Variants in C22orf39 observed in about 807,000 individuals in gnomAD.
C22orf39 encodes the protein chromosome 22 open reading frame 39.
Under a neutral mutation model 18.3 loss-of-function variants are expected in C22orf39, and 20 were observed. The ratio of observed to expected loss-of-function variants is 1.09; its 90% CI spans 0.77 to 1.59. The LOEUF is 1.59. Among genes scored for constraint, C22orf39 ranks in the 40% most tolerant of loss-of-function variants. The pLI is 0.00. For synonymous variants in C22orf39, 63 were observed against 59.6 expected, an observed-to-expected ratio of 1.06 and a Z score of -0.26; for missense variants, 195 against 156.1, an observed-to-expected ratio of 1.25 and a Z score of -1.33.
At position 19,441,696 on chromosome 22, in the gene C22orf39, T is replaced by G; in HGVS notation, c.*2569A>C. ...GGTGTGAGCCACCACACTTAGCACCTGTCCAAAAAGTTTGAAAGATATTGC... is the reference window on the plus strand; with the variant it reads ...GGTGTGAGCCACCACACTTAGCACCGGTCCAAAAAGTTTGAAAGATATTGC... On this transcript the variant is annotated 3_prime_UTR_variant, in exon 3 of 3. Coordinates refer to ENST00000399562, the MANE Select transcript of C22orf39 (RefSeq NM_173793.5). 6.5e-7 allele frequency: 1 copy of G among 1,549,110 alleles called. No homozygotes were observed. The highest frequency in any genetic ancestry group is 8.7e-7 in the Non-Finnish European group (1 of 1,145,520).
At position 19,447,671 on chromosome 22, in the gene C22orf39, G is replaced by A. The variant is rs367954813; in HGVS notation, c.18C>T (p.Gly6=). The A allele has an allele frequency of 2.0e-5, 32 of 1,610,946 alleles. No individual in the cohort carries two copies. The highest frequency in any genetic ancestry group is 3.3e-5 in the Admixed American group (2 of 59,902). The change falls in exon 1 of 3, where the codon GGC becomes GGT. Residue 6 remains glycine, a synonymous_variant. Coordinates refer to ENST00000399562, the MANE Select transcript of C22orf39 (RefSeq NM_173793.5). ...TCCGACCCAGCACACTCACCTGCCA[G>A]CCGCTGCCGTCCGCCATGTCTGGGC... MADGS[G]WQPPRPCEAY... is the part of the protein sequence containing the mutation.
intron 2 of C22orf39, among the ~76,000 whole-genome samples, chr22:19,445,585 A>G (rs1292149741): frequency 6.6e-6 from 1 of 152,156 alleles, no homozygotes; most frequent in Non-Finnish European, 1.5e-5. Flanking sequence ...AACACTGCAC[A>G]ACTACCCAGA....
chr22:19,443,213 C>T lies in C22orf39; in HGVS notation c.*1052G>A, dbSNP rs2089622908. ...TGATAGATTATTCTGCCCCAAAGAA[C>T]AAATTAAAAGATATTCAACTTGCTG... On this transcript the variant is annotated 3_prime_UTR_variant, in exon 3 of 3. Transcript: ENST00000399562. The T allele has an allele frequency of 1.0e-6, 1 of 984,910 alleles. No homozygotes were observed. The highest frequency in any genetic ancestry group is 4.7e-5 in the South Asian group (1 of 21,284). 61.0% of individuals were successfully genotyped at this position (984,910 alleles called of 1,614,324 possible). A position where few individuals can be genotyped will look rare whatever the true frequency, so the allele number is the denominator to read the frequency against.
At position 19,443,064 on chromosome 22, in the gene C22orf39, G is replaced by T; in HGVS notation, c.*1201C>A. On this transcript the variant is annotated 3_prime_UTR_variant, in exon 3 of 3. Transcript: ENST00000399562. ...CCTCTTTAGATGCTCCTGCTCTTGG[G>T]ATCCCGTGAGCACAACCCCCACCCC... 1 of 904,818 alleles carries T rather than the reference G, an allele frequency of 1.1e-6. No individual in the cohort carries two copies. The highest frequency in any genetic ancestry group is 1.3e-6 in the Non-Finnish European group (1 of 756,778). 56.0% of individuals were successfully genotyped at this position (904,818 alleles called of 1,614,324 possible). A position where few individuals can be genotyped will look rare whatever the true frequency, so the allele number is the denominator to read the frequency against.
In C22orf39 at chr22:19,441,591, C is replaced by T. The variant is rs568626525; in HGVS notation, c.*2674G>A. The T allele has an allele frequency of 2.8e-5, 23 of 817,966 alleles. No individual in the cohort carries two copies. The highest frequency in any genetic ancestry group is 1.9e-4 in the African/African-American group (11 of 59,100). The allele number at this position is 817,966 out of a possible 1,614,324, so 50.7% of individuals were successfully genotyped here. ...TTGCCCAGGCTGGAGTGCAGTGGCACGATCATAGCTGACTGCAACCTCAAA... is the reference window on the plus strand; with the variant it reads ...TTGCCCAGGCTGGAGTGCAGTGGCATGATCATAGCTGACTGCAACCTCAAA... On this transcript the variant is annotated 3_prime_UTR_variant, in exon 3 of 3. Coordinates refer to ENST00000399562, the MANE Select transcript of C22orf39 (RefSeq NM_173793.5).
Position 19,443,946 on chromosome 22 carries a change from C to G in C22orf39, c.*319G>C, listed in dbSNP as rs1278118268. ...GCTACCCTTCAGTTTACCTGAGAAG[C>G]CTAGACCTCAGGACCGCCATCTCCT... is the stretch of plus-strand genomic sequence containing the variant. On this transcript the variant is annotated 3_prime_UTR_variant, in exon 3 of 3. Coordinates refer to ENST00000399562, the MANE Select transcript of C22orf39 (RefSeq NM_173793.5). 9.2e-7 allele frequency: 1 copy of G among 1,086,330 alleles called. No individual in the cohort carries two copies. The highest frequency in any genetic ancestry group is 1.1e-6 in the Non-Finnish European group (1 of 895,188). The allele number at this position is 1,086,330 out of a possible 1,614,324, so 67.3% of individuals were successfully genotyped here. A position where few individuals can be genotyped will look rare whatever the true frequency, so the allele number is the denominator to read the frequency against.
intron 2 of C22orf39, among the ~76,000 whole-genome samples, chr22:19,445,802 G>T (rs1436142485): frequency 1.3e-5 from 2 of 152,062 alleles, no homozygotes; most frequent in African/African-American, 4.8e-5. Context: ...AGCCTCCCGA[G>T]TAGCTGAGAT....
In C22orf39 at chr22:19,444,325, G is replaced by A; in HGVS notation, c.258C>T (p.Ala86=). 6.2e-7 allele frequency: 1 copy of A among 1,600,792 alleles called. No individual in the cohort carries two copies. The highest frequency in any genetic ancestry group is 8.5e-7 in the Non-Finnish European group (1 of 1,175,264). ...AGTCTGGAGGGGGGCTCTGCCTCGGGGCCCACACCAGGATGTGCTTCCGTG... is the reference window on the plus strand; with the variant it reads ...AGTCTGGAGGGGGGCTCTGCCTCGGAGCCCACACCAGGATGTGCTTCCGTG... ...RAARKHILVW[A]PRQSPPPDWH... Residue 86 remains alanine, a synonymous_variant, in exon 3 of 3, where the codon GCC becomes GCT. Coordinates refer to ENST00000399562, the MANE Select transcript of C22orf39 (RefSeq NM_173793.5).
rs149705263 is a variant in C22orf39 at position 19,444,282 on chromosome 22, G to C, written c.301C>G (p.Gln101Glu). Residue 101 changes from glutamine (Q) to glutamate (E), a missense_variant, in exon 3 of 3, where the codon CAG becomes GAG. Gln to Glu is a conservative substitution (Grantham distance 29, BLOSUM62 2). Coordinates refer to ENST00000399562, the MANE Select transcript of C22orf39 (RefSeq NM_173793.5). ...GATGCTTGTCACTCGTCCTTCTCCT[G>C]TGGCAGAGGGAGATGCCAGTCTGGA... The part of the protein sequence containing the change: ...PPPDWHLPLP[Q>E]EKDE The C allele has an allele frequency of 4.1e-5, 65 of 1,589,020 alleles. 1 individual carries two copies. The African/African-American group carries it at 7.1e-4, about 17-fold the overall frequency.
At chr22:19,447,635 T>G (rs780568801) in intron 1 of C22orf39, 30 bp downstream of exon 1, 2 of 1,606,212 alleles carry the variant, frequency 1.2e-6, no homozygotes, top group South Asian at 2.2e-5. Context: ...AAGACCCCGG[T>G]GGTTCCCGGC....
At position 19,444,311 on chromosome 22, in the gene C22orf39, G is replaced by T; in HGVS notation, c.272C>A (p.Pro91His). 1 of 1,601,342 alleles carries T rather than the reference G, an allele frequency of 6.2e-7. No individual in the cohort carries two copies. Among genetic ancestry groups the T allele is most frequent in the Non-Finnish European group, 8.5e-7 (1 of 1,175,470 alleles). The change falls in exon 3 of 3, where the codon CCC becomes CAC. Residue 91 changes from proline to histidine, a missense_variant. Physicochemically the swap from Pro to His is moderately conservative, Grantham distance 77 (BLOSUM62 -2). Transcript: ENST00000399562. The part of the protein sequence containing the change: ...HILVWAPRQS[P>H]PPDWHLPLPQ... ...CAGAGGGAGATGCCAGTCTGGAGGGGGGCTCTGCCTCGGGGCCCACACCAG... is the reference window on the plus strand; with the variant it reads ...CAGAGGGAGATGCCAGTCTGGAGGGTGGCTCTGCCTCGGGGCCCACACCAG...
In C22orf39 at chr22:19,440,988, A is replaced by G. The variant is rs11744; in HGVS notation, c.*3277T>C. 0.24 allele frequency: 36,796 copies of G among 152,134 alleles called. 4,650 individuals carry two copies. Among genetic ancestry groups the G allele is most frequent in the East Asian group, 0.43 (2,218 of 5,170 alleles). The allele number at this position is 152,134 out of a possible 1,614,324, so 9.4% of individuals were successfully genotyped here. ...GGTACCCTTGCCCCAGCCTCCCCCA[A>G]TGTTAACACCTTATACACTACAGCA... On this transcript the variant is annotated 3_prime_UTR_variant, in exon 3 of 3. Coordinates refer to ENST00000399562, the MANE Select transcript of C22orf39 (RefSeq NM_173793.5).
chr22:19,441,843 A>G lies in C22orf39; in HGVS notation c.*2422T>C. Reference sequence around the variant, plus strand: ...GATATTGCTCTGTCACCCAGGTTGAAGTGCAGTGGGGCACAATCATGGCTC... The same window carrying G: ...GATATTGCTCTGTCACCCAGGTTGAGGTGCAGTGGGGCACAATCATGGCTC... On this transcript the variant is annotated 3_prime_UTR_variant, in exon 3 of 3. Coordinates refer to ENST00000399562, the MANE Select transcript of C22orf39 (RefSeq NM_173793.5). 9.6e-7 allele frequency: 1 copy of G among 1,043,828 alleles called. No homozygotes were observed. The highest frequency in any genetic ancestry group is 1.3e-6 in the Non-Finnish European group (1 of 743,132). The allele number at this position is 1,043,828 out of a possible 1,614,324, so 64.7% of individuals were successfully genotyped here. A position where few individuals can be genotyped will look rare whatever the true frequency, so the allele number is the denominator to read the frequency against.
In C22orf39 at chr22:19,443,299, TCACA is replaced by T. The variant is rs2089623456; in HGVS notation, c.*962_*965del. On this transcript the variant is annotated 3_prime_UTR_variant, in exon 3 of 3. Coordinates refer to ENST00000399562, the MANE Select transcript of C22orf39 (RefSeq NM_173793.5). ...CACAGACCCAGCCTAGCCCTCAGCATCACACAACAGGGCCACCATAGGATGAGAA... is the reference window on the plus strand; with the variant it reads ...CACAGACCCAGCCTAGCCCTCAGCATCAACAGGGCCACCATAGGATGAGAA... The T allele has an allele frequency of 5.1e-6, 5 of 985,444 alleles. No individual in the cohort carries two copies. The highest frequency in any genetic ancestry group is 6.0e-6 in the Non-Finnish European group (5 of 829,934). 61.0% of individuals were successfully genotyped at this position (985,444 alleles called of 1,614,324 possible).
At position 19,447,680 on chromosome 22, in the gene C22orf39, G is replaced by C. The variant is rs371689783; in HGVS notation, c.9C>G (p.Asp3Glu). Residue 3 changes from aspartate (D) to glutamate (E), a missense_variant, in exon 1 of 3, where the codon GAC becomes GAG. By Grantham distance (45) the Asp-to-Glu change is conservative (BLOSUM62 2). Coordinates refer to ENST00000399562, the MANE Select transcript of C22orf39 (RefSeq NM_173793.5). The stretch of plus-strand genomic sequence containing the variant: ...GCACACTCACCTGCCAGCCGCTGCC[G>C]TCCGCCATGTCTGGGCGACCGGCGC... MA[D>E]GSGWQPPRPC... 21 of 1,610,486 alleles carry C rather than the reference G, an allele frequency of 1.3e-5. No homozygotes were observed. In the African/African-American group the frequency reaches 2.4e-4, roughly 18 times the overall value.
chr22:19,443,035 G>C lies in C22orf39; in HGVS notation c.*1230C>G. 1 of 711,046 alleles carries C rather than the reference G, an allele frequency of 1.4e-6. No homozygotes were observed. Among genetic ancestry groups the C allele is most frequent in the Non-Finnish European group, 1.7e-6 (1 of 579,946 alleles). 44.0% of individuals were successfully genotyped at this position (711,046 alleles called of 1,614,324 possible). A position where few individuals can be genotyped will look rare whatever the true frequency, so the allele number is the denominator to read the frequency against. Reference sequence around the variant, plus strand: ...ACTCCCCTGATGATGGGGGAACGCTGGCTCCTCTTTAGATGCTCCTGCTCT... The same window carrying C: ...ACTCCCCTGATGATGGGGGAACGCTCGCTCCTCTTTAGATGCTCCTGCTCT... On this transcript the variant is annotated 3_prime_UTR_variant, in exon 3 of 3. Coordinates refer to ENST00000399562, the MANE Select transcript of C22orf39 (RefSeq NM_173793.5).
chr22:19,441,899 A>G lies in C22orf39; in HGVS notation c.*2366T>C. Reference sequence around the variant, plus strand: ...AGCCTCAAACTCCTGGGCTCAAACAATCCTCCTATCTCAGCCTCCGAAGTA... The same window carrying G: ...AGCCTCAAACTCCTGGGCTCAAACAGTCCTCCTATCTCAGCCTCCGAAGTA... On this transcript the variant is annotated 3_prime_UTR_variant, in exon 3 of 3. Coordinates refer to ENST00000399562, the MANE Select transcript of C22orf39 (RefSeq NM_173793.5). 2 of 557,988 alleles carry G rather than the reference A, an allele frequency of 3.6e-6. No individual in the cohort carries two copies. The highest frequency in any genetic ancestry group is 6.1e-6 in the Non-Finnish European group (2 of 326,508). The allele number at this position is 557,988 out of a possible 1,614,324, so 34.6% of individuals were successfully genotyped here.
intron 2 of C22orf39, 106 bp from the exon 3 acceptor site, chr22:19,444,496 C>T: frequency 8.3e-7 from 1 of 1,208,294 alleles, no homozygotes. Flanking sequence ...CAGGCAGGGC[C>T]TATGGTACAC....
Position 19,447,369 on chromosome 22 carries a change from C to G in C22orf39, c.192+9G>C, listed in dbSNP as rs889037955. 4.0e-6 allele frequency: 6 copies of G among 1,483,042 alleles called. No homozygotes were observed. The highest frequency in any genetic ancestry group is 1.3e-5 in the South Asian group (1 of 78,290). The allele number at this position is 1,483,042 out of a possible 1,614,324, so 91.9% of individuals were successfully genotyped here. On this transcript the variant is annotated intron_variant, in intron 2 of 2. Coordinates refer to ENST00000399562, the MANE Select transcript of C22orf39 (RefSeq NM_173793.5). The stretch of plus-strand genomic sequence containing the variant: ...CTCCGAAGCGCCGCCCCGCTCCCTC[C>G]CGGCGCACCTGGGCCTCGGCGTTCC...
Sources: gnomAD v4.1 joint callset for allele counts (sites outside exome capture counted in the v4.1 genomes callset) on GRCh38, gnomAD v4.1.1 for gene constraint, MANE v1.5 for transcripts, NCBI Gene and HGNC (gene_info 2026-07-23, HGNC 2026-07-21) for gene names.